Variants in IRAG1 observed in about 807,000 individuals in gnomAD.
IRAG1 encodes the protein IP3R-associated cGMP kinase substrate.
Under a neutral mutation model 106.2 loss-of-function variants are expected in IRAG1, and 62 were observed. The ratio of observed to expected loss-of-function variants is 0.58; its 90% CI spans 0.48 to 0.72. The LOEUF (loss-of-function observed/expected upper bound fraction) is 0.72, where lower values mean the gene tolerates loss of function less well. Among genes scored for constraint, IRAG1 ranks in the 30% least tolerant of loss-of-function variants. The probability of loss-of-function intolerance (pLI) is 0.00; values close to 1 mark genes in which losing one functional copy is unlikely to be tolerated. For missense variants in IRAG1, 1,064 were observed against 1,140.7 expected (o/e 0.93, Z 0.97); for synonymous variants, 462 against 443.9 (o/e 1.04, Z -0.51).
chr11:10,603,058 T>TG, intron 14 of IRAG1, 62 bp downstream of exon 14: 1 of 1,547,034 alleles, frequency 6.5e-7, no homozygotes, highest in African/African-American at 1.4e-5. Flanking sequence ...GCTGCTTGGG[T>TG]GATTGCTCTA....
chr11:10,676,756 T>C (rs1860710814), intron 1 of IRAG1, among the ~76,000 whole-genome samples: 1 of 152,232 alleles, frequency 6.6e-6, no homozygotes, highest in African/African-American at 2.4e-5. Flanking sequence ...CTCTCAATGA[T>C]ATGATCCAGA....
chr11:10,681,376 T>C (rs1009225897), intron 1 of IRAG1, among the ~76,000 whole-genome samples: 2 of 152,172 alleles, frequency 1.3e-5, no homozygotes, highest in African/African-American at 4.8e-5. Flanking sequence ...TAGCAGTAAA[T>C]GTTTTTTTTA....
chr11:10,675,748 C>A (rs1053676370), intron 1 of IRAG1, among the ~76,000 whole-genome samples: 5 of 152,210 alleles, frequency 3.3e-5, no homozygotes, highest in Admixed American at 6.5e-5. Flanking sequence ...CCCTGACTGA[C>A]AAATGCCCCT....
intron 9 of IRAG1, among the ~76,000 whole-genome samples, chr11:10,625,136 T>C (rs1856140053): frequency 6.6e-6 from 1 of 152,196 alleles, no homozygotes; most frequent in Non-Finnish European, 1.5e-5. Context: ...AGCACACAAA[T>C]CCCCTCAATT....
chr11:10,588,127 A>C (rs906902996), intron 18 of IRAG1, among the ~76,000 whole-genome samples: 1 of 152,226 alleles, frequency 6.6e-6, no homozygotes, highest in Non-Finnish European at 1.5e-5. Context: ...CATTGTCATC[A>C]GTGCAGTAAA....
intron 10 of IRAG1, among the ~76,000 whole-genome samples, chr11:10,612,703 T>G (rs536049489): frequency 6.6e-6 from 1 of 152,102 alleles, no homozygotes; most frequent in Non-Finnish European, 1.5e-5. Flanking sequence ...GAGACAGATG[T>G]CAGGATGGAA....
intron 2 of IRAG1, among the ~76,000 whole-genome samples, chr11:10,635,268 TCTC>T (rs1187766577): frequency 6.6e-6 from 1 of 152,176 alleles, no homozygotes; most frequent in Non-Finnish European, 1.5e-5. Context: ...TCATTTTCCT[TCTC>T]CTCCTTCCCA....
At position 10,593,387 on chromosome 11, in the gene IRAG1, T is replaced by G. The variant is rs1852896655; in HGVS notation, c.2175+105A>C. On this transcript the variant is annotated intron_variant, in intron 17 of 20. Transcript: ENST00000423302. Reference sequence around the variant, plus strand: ...TTCTATTCTGGAAATTTCCTCTCCTTGTTGACCCTGCCCCCATTTGGTCAC... The same window carrying G: ...TTCTATTCTGGAAATTTCCTCTCCTGGTTGACCCTGCCCCCATTTGGTCAC... 7.3e-6 allele frequency: 6 copies of G among 823,450 alleles called. No homozygotes were observed. In the South Asian group the frequency reaches 1.0e-4, roughly 14 times the overall value. The allele number at this position is 823,450 out of a possible 1,614,324, so 51.0% of individuals were successfully genotyped here.
chr11:10,678,944 T>C (rs1401979279), intron 1 of IRAG1, among the ~76,000 whole-genome samples: 1 of 152,180 alleles, frequency 6.6e-6, no homozygotes, highest in Non-Finnish European at 1.5e-5. Flanking sequence ...TCTCTAAATT[T>C]CCTCCCTGTT....
Position 10,627,704 on chromosome 11 carries a change from G to T in IRAG1, c.750+12C>A. 1 of 1,613,984 alleles carries T rather than the reference G, an allele frequency of 6.2e-7. No homozygotes were observed. Among genetic ancestry groups the T allele is most frequent in the Non-Finnish European group, 8.5e-7 (1 of 1,179,872 alleles). On this transcript the variant is annotated intron_variant, in intron 8 of 20. Transcript: ENST00000423302. Reference sequence around the variant, plus strand: ...ACTCAAATCATCCAAAGGGAGCAAAGCTCAAACTCACAGGCTCGCCAGGGT... The same window carrying T: ...ACTCAAATCATCCAAAGGGAGCAAATCTCAAACTCACAGGCTCGCCAGGGT...
chr11:10,586,737 G>A (rs1354800028), intron 18 of IRAG1, among the ~76,000 whole-genome samples: 1 of 152,016 alleles, frequency 6.6e-6, no homozygotes, highest in East Asian at 1.9e-4. Context: ...CCTTTATGCT[G>A]CCACCGCACC....
chr11:10,655,734 T>A (rs962667123), intron 1 of IRAG1, among the ~76,000 whole-genome samples: 5 of 152,208 alleles, frequency 3.3e-5, no homozygotes, highest in African/African-American at 7.2e-5. Flanking sequence ...TGAAGTCTCA[T>A]GAGAAATACC....
At chr11:10,609,619 G>T in intron 11 of IRAG1, 109 bp downstream of exon 11, 2 of 1,286,310 alleles carry the variant, frequency 1.6e-6, no homozygotes, top group Non-Finnish European at 1.1e-6. Context: ...TTGGACTTTG[G>T]CCCTTCTGGG....
chr11:10,628,632 G>T lies in IRAG1; in HGVS notation c.652+119C>A. 3.6e-6 allele frequency: 3 copies of T among 827,664 alleles called. No individual in the cohort carries two copies. Among genetic ancestry groups the T allele is most frequent in the Non-Finnish European group, 5.4e-6 (3 of 552,728 alleles). The allele number at this position is 827,664 out of a possible 1,614,324, so 51.3% of individuals were successfully genotyped here. On this transcript the variant is annotated intron_variant, in intron 6 of 20. Coordinates refer to ENST00000423302, the MANE Select transcript of IRAG1 (RefSeq NM_130385.4). This position sits in a 1 kb window ranked among gnomAD's most constrained non-coding sequence, Gnocchi z 4.1. ...AGGGGTCTTGCTCTGGGTGTGAAGG[G>T]GCCATCAGAGTTCTTGAAGGGGAAG... is the stretch of plus-strand genomic sequence containing the variant.
intron 1 of IRAG1, among the ~76,000 whole-genome samples, chr11:10,672,631 T>C (rs181196921): frequency 6.6e-6 from 1 of 152,166 alleles, no homozygotes; most frequent in Non-Finnish European, 1.5e-5. Flanking sequence ...AAGGTACCAC[T>C]TTACACCCAT....
At chr11:10,639,110 G>T (rs1343679326) in intron 2 of IRAG1, among the ~76,000 whole-genome samples, 2 of 152,034 alleles carry the variant, frequency 1.3e-5, no homozygotes, top group Non-Finnish European at 2.9e-5. Context: ...AGTAGAGATG[G>T]GGTTTCACCA....
intron 1 of IRAG1, among the ~76,000 whole-genome samples, chr11:10,656,611 C>T (rs1039135427): frequency 3.2e-4 from 48 of 152,198 alleles, no homozygotes; most frequent in African/African-American, 1.1e-3. Flanking sequence ...TACTGAGCAT[C>T]GGACACTATG....
intron 12 of IRAG1, among the ~76,000 whole-genome samples, chr11:10,605,456 GC>G (rs1854398674): frequency 6.6e-6 from 1 of 152,026 alleles, no homozygotes; most frequent in South Asian, 2.1e-4. Flanking sequence ...TCCTTATTGA[GC>G]ATCTACTATA....
At position 10,609,596 on chromosome 11, in the gene IRAG1, C is replaced by T. The variant is rs975138594; in HGVS notation, c.1571+132G>A. On this transcript the variant is annotated intron_variant, in intron 11 of 20. Coordinates refer to ENST00000423302, the MANE Select transcript of IRAG1 (RefSeq NM_130385.4). ...TTCTTTTTGTTTCGAATGCATTATC[C>T]CTATCTAGACAATTGGACTTTGGCC... 2.9e-6 allele frequency: 3 copies of T among 1,051,094 alleles called. No homozygotes were observed. The African/African-American group carries it at 5.0e-5, about 17-fold the overall frequency. The allele number at this position is 1,051,094 out of a possible 1,614,324, so 65.1% of individuals were successfully genotyped here.
Sources: gnomAD v4.1 joint callset for allele counts (sites outside exome capture counted in the v4.1 genomes callset) on GRCh38, gnomAD v4.1.1 for gene constraint, Gnocchi (gnomAD v3.1) non-coding constraint, MANE v1.5 for transcripts, NCBI Gene and HGNC (gene_info 2026-07-23, HGNC 2026-07-21) for gene names.